Variants in SAMM50 observed in about 807,000 individuals in gnomAD.
SAMM50 encodes the protein sorting and assembly machinery component 50 homolog.
Under a neutral mutation model 66.9 loss-of-function variants are expected in SAMM50, and 47 were observed. The observed-to-expected ratio is 0.70, with a 90% CI of 0.56 to 0.90. The LOEUF (loss-of-function observed/expected upper bound fraction) is 0.90, where lower values mean the gene tolerates loss of function less well. SAMM50 is among the 40% of genes least tolerant of loss of function. The pLI, the probability that SAMM50 is intolerant of heterozygous loss-of-function variation, is 0.00. For missense variants in SAMM50, 535 were observed against 595.3 expected, an observed-to-expected ratio of 0.90 and a Z score of 1.05; for synonymous variants, 191 against 214.1, an observed-to-expected ratio of 0.89 and a Z score of 0.94.
intron 7 of SAMM50, among the ~76,000 whole-genome samples, chr22:43,974,347 CAAATGACTCATCTGTG>C (rs2050220232): frequency 6.6e-6 from 1 of 152,170 alleles, no homozygotes; most frequent in Non-Finnish European, 1.5e-5. Context: ...CGACCTCAGG[CAAATGACTCATCTGTG>C]AAATGAAGGA....
chr22:43,975,857 C>T, intron 7 of SAMM50, 198 bp from the exon 8 acceptor site: 1 of 575,272 alleles, frequency 1.7e-6, no homozygotes, highest in South Asian at 2.2e-5. Flanking sequence ...TCACAGCTTT[C>T]CCCCTTTCTT....
At chr22:43,977,593 C>T (rs931095233) in intron 9 of SAMM50, among the ~76,000 whole-genome samples, 1 of 152,236 alleles carries the variant, frequency 6.6e-6, no homozygotes, top group Non-Finnish European at 1.5e-5. Flanking sequence ...GCCAAGCCGT[C>T]TGTGCTGAGC....
At chr22:43,990,129 T>C (rs2050315313) in intron 13 of SAMM50, 136 bp from the exon 14 acceptor site, 8 of 923,776 alleles carry the variant, frequency 8.7e-6, no homozygotes, top group Non-Finnish European at 1.1e-5. Flanking sequence ...ACTTCATGCA[T>C]CCTCCCTAAT....
chr22:43,969,809 G>A (rs987118026), intron 4 of SAMM50, among the ~76,000 whole-genome samples: 2 of 152,208 alleles, frequency 1.3e-5, no homozygotes, highest in African/African-American at 2.4e-5. Flanking sequence ...AGTGCAGGTT[G>A]GGGGAATGGA....
At position 43,983,817 on chromosome 22, in the gene SAMM50, G is replaced by A. The variant is rs778658341; in HGVS notation, c.1008-116G>A. The A allele has an allele frequency of 1.4e-6, 1 of 694,050 alleles. No individual in the cohort carries two copies. Among genetic ancestry groups the A allele is most frequent in the Non-Finnish European group, 2.5e-6 (1 of 404,014 alleles). 43.0% of individuals were successfully genotyped at this position (694,050 alleles called of 1,614,324 possible). A position where few individuals can be genotyped will look rare whatever the true frequency, so the allele number is the denominator to read the frequency against. On this transcript the variant is annotated intron_variant, in intron 11 of 14. Transcript: ENST00000350028. This position sits in a 1 kb window ranked among gnomAD's most constrained non-coding sequence, Gnocchi z 4.2. ...CTCAAAGGTTTTGCCTTGTAAAAAT[G>A]CTGTCGATAATCTAGTATCGAATGT...
rs921371967 is a variant in SAMM50 at position 43,996,385 on chromosome 22, C to T, written c.*2C>T. 5.0e-6 allele frequency: 8 copies of T among 1,613,900 alleles called. No homozygotes were observed. The highest frequency in any genetic ancestry group is 1.6e-4 in the Middle Eastern group (1 of 6,062). ...GGAGCTGGGATAAGGTTCCTGTAGC[C>T]GACACCCCTACAGGAGAAGCTCTGG... On this transcript the variant is annotated 3_prime_UTR_variant, in exon 15 of 15. Coordinates refer to ENST00000350028, the MANE Select transcript of SAMM50 (RefSeq NM_015380.5).
At chr22:43,984,149 GGT>G (rs1167915220) in intron 12 of SAMM50, 149 bp downstream of exon 12, 1 of 616,780 alleles carries the variant, frequency 1.6e-6, no homozygotes, top group Non-Finnish European at 2.7e-6. Flanking sequence ...CCATGTAGCA[GGT>G]GTAGAACATT....
chr22:43,991,676 A>G (rs1316325863), intron 14 of SAMM50, among the ~76,000 whole-genome samples: 1 of 152,226 alleles, frequency 6.6e-6, no homozygotes, highest in Non-Finnish European at 1.5e-5. Context: ...TGACTTAAAC[A>G]ACAGATGTTC....
At chr22:43,969,011 A>C (rs939931020) in intron 4 of SAMM50, among the ~76,000 whole-genome samples, 193 bp downstream of exon 4, 1 of 152,034 alleles carries the variant, frequency 6.6e-6, no homozygotes, top group African/African-American at 2.4e-5. Flanking sequence ...GTTTTTGGAG[A>C]GGGGTCTTGC....
chr22:43,973,034 G>C lies in SAMM50; in HGVS notation c.560+33G>C, dbSNP rs555842362. On this transcript the variant is annotated intron_variant, in intron 6 of 14. Transcript: ENST00000350028. ...GCCCAACAGATCATTGAGTACACTGGCCTGATAGAAAAGTTAAAATAGGTG... is the reference window on the plus strand; with the variant it reads ...GCCCAACAGATCATTGAGTACACTGCCCTGATAGAAAAGTTAAAATAGGTG... 3.2e-6 allele frequency: 5 copies of C among 1,576,590 alleles called. No individual in the cohort carries two copies. In the South Asian group the frequency reaches 5.9e-5, roughly 18 times the overall value.
chr22:43,971,835 C>T (rs973300857), intron 4 of SAMM50, among the ~76,000 whole-genome samples: 6 of 152,100 alleles, frequency 3.9e-5, no homozygotes, highest in South Asian at 2.1e-4. Context: ...CTCAGCCTCC[C>T]GAATAGTTGA....
intron 7 of SAMM50, chr22:43,975,783 C>T: frequency 2.7e-6 from 1 of 364,594 alleles, no homozygotes; most frequent in South Asian, 4.7e-5. Context: ...AGCCCTCAGA[C>T]CAGCCCTGTC....
chr22:43,984,210 CTG>C (rs2050279803), intron 12 of SAMM50, among the ~76,000 whole-genome samples: 1 of 152,200 alleles, frequency 6.6e-6, no homozygotes, highest in Non-Finnish European at 1.5e-5. Flanking sequence ...AGCAAAAACT[CTG>C]TGAAAATGAC....
intron 13 of SAMM50, 66 bp downstream of exon 13, chr22:43,989,323 A>G: frequency 6.7e-7 from 1 of 1,493,416 alleles, no homozygotes; most frequent in Admixed American, 2.0e-5. Flanking sequence ...AGCACAGTAC[A>G]CAAAGAGGTG....
chr22:43,955,614 A>AC lies in SAMM50; in HGVS notation c.21+19dup. The AC allele has an allele frequency of 1.3e-6, 2 of 1,586,252 alleles. No homozygotes were observed. The highest frequency in any genetic ancestry group is 1.7e-6 in the Non-Finnish European group (2 of 1,167,372). On this transcript the variant is annotated intron_variant, in intron 1 of 14. Coordinates refer to ENST00000350028, the MANE Select transcript of SAMM50 (RefSeq NM_015380.5). ...GCACGCCCGGGTAAGAGGCCCAGCG[A>AC]CCCGCGGGCTGCGAGGCCTCTGGGC...
intron 1 of SAMM50, among the ~76,000 whole-genome samples, chr22:43,961,584 G>A (rs2050147371): frequency 6.6e-6 from 1 of 151,966 alleles, no homozygotes; most frequent in Admixed American, 6.6e-5. Context: ...CAAGTAGTTG[G>A]GACTACAGGC....
At chr22:43,984,779 C>T (rs1009496774) in intron 12 of SAMM50, among the ~76,000 whole-genome samples, 1 of 151,988 alleles carries the variant, frequency 6.6e-6, no homozygotes, top group African/African-American at 2.4e-5. Context: ...CAGGCACACA[C>T]CACCACGCCT....
chr22:43,958,724 G>A (rs559957228), intron 1 of SAMM50, among the ~76,000 whole-genome samples: 27 of 152,062 alleles, frequency 1.8e-4, no homozygotes, highest in Non-Finnish European at 3.7e-4. Context: ...TGATCCACCC[G>A]CCTCAGCCTC....
At chr22:43,978,636 ATT>A (rs111610126) in intron 10 of SAMM50, among the ~76,000 whole-genome samples, 4 of 142,002 alleles carry the variant, frequency 2.8e-5, no homozygotes, top group Non-Finnish European at 3.1e-5. Flanking sequence ...GCTTTCAGAA[ATT>A]TTTTTTTTTT....
Sources: allele counts gnomAD v4.1 joint callset (sites outside exome capture counted in the v4.1 genomes callset), GRCh38; gene constraint gnomAD v4.1.1; non-coding constraint Gnocchi (gnomAD v3.1); transcripts MANE v1.5; gene names NCBI Gene and HGNC (gene_info 2026-07-23, HGNC 2026-07-21).